The following NRG1 variants were observed in gnomAD, a reference collection of about 807,000 sequenced individuals.
The protein encoded by NRG1 is neuregulin 1, also known as pro-neuregulin-1, membrane-bound isoform.
NRG1 carries 18 observed loss-of-function variants against 63.8 expected under a neutral mutation model. The ratio of observed to expected loss-of-function variants is 0.28; its 90% confidence interval spans 0.19 to 0.42. The LOEUF (loss-of-function observed/expected upper bound fraction) is 0.42. Among genes scored for constraint, NRG1 ranks in the 10% least tolerant of loss-of-function variants. The pLI is 1.00. For missense variants in NRG1, 762 were observed against 814.7 expected (o/e 0.94, Z 0.79); for synonymous variants, 302 against 301.3 (o/e 1.00, Z -0.02).
intron 1 of NRG1, among the ~76,000 whole-genome samples, chr8:32,176,798 G>C (rs1840787833): frequency 6.6e-6 from 1 of 152,142 alleles, no homozygotes; most frequent in African/African-American, 2.4e-5. Flanking sequence ...ACACCAGTTA[G>C]AATGGCAATC....
chr8:32,070,803 A>G (rs1007150129), intron 1 of NRG1, among the ~76,000 whole-genome samples: 1 of 152,228 alleles, frequency 6.6e-6, no homozygotes, highest in Non-Finnish European at 1.5e-5. Flanking sequence ...TTGCTTATAA[A>G]GGACCAGTGG....
intron 1 of NRG1, among the ~76,000 whole-genome samples, chr8:32,482,742 G>A (rs1825458102): frequency 6.6e-6 from 1 of 152,120 alleles, no homozygotes; most frequent in South Asian, 2.1e-4. Flanking sequence ...TGGACTCAAG[G>A]TCCCCAGACT....
chr8:32,044,930 A>AAAAAAC (rs1554610208), intron 1 of NRG1, among the ~76,000 whole-genome samples: 13 of 137,116 alleles, frequency 9.5e-5, no homozygotes, highest in African/African-American at 2.8e-4. Context: ...AAAAAAAAAA[A>AAAAAAC]ACACACACAC....
Position 32,168,153 on chromosome 8 carries a change from G to A in NRG1, c.38-427675G>A, listed in dbSNP as rs57169459. 1.1e-3 allele frequency among the ~76,000 whole-genome samples: 170 copies of A among 152,134 alleles called. 1 individual carries two copies. The highest frequency in any genetic ancestry group is 3.9e-3 in the African/African-American group (161 of 41,486). On this transcript the variant is annotated intron_variant, in intron 1 of 10. Coordinates refer to the NRG1 transcript ENST00000519301. Reference sequence around the variant, plus strand: ...GAGCAATCACAGCCAGTGATGGGCCGGCATCATGGAGAGTAAAGACAAATG... The same window carrying A: ...GAGCAATCACAGCCAGTGATGGGCCAGCATCATGGAGAGTAAAGACAAATG...
At chr8:32,527,989 A>G (rs756237855) in intron 1 of NRG1, among the ~76,000 whole-genome samples, 1 of 152,272 alleles carries the variant, frequency 6.6e-6, no homozygotes, top group South Asian at 2.1e-4. Context: ...CTTGACTGGT[A>G]CATGTGCCGT....
rs533443905 is a variant in NRG1 at position 32,400,175 on chromosome 8, C to T, written c.38-195653C>T. The stretch of plus-strand genomic sequence containing the variant: ...AACCCGAGCCTAAAATCTGTAGTAT[C>T]GCTTCAAATATCTATGTAGAAAGCA... On this transcript the variant is annotated intron_variant, in intron 1 of 10. Transcript: ENST00000519301. 6.6e-5 allele frequency among the ~76,000 whole-genome samples: 10 copies of T among 152,294 alleles called. No individual in the cohort carries two copies. In the East Asian group the frequency reaches 9.7e-4, roughly 15 times the overall value.
chr8:32,566,970 G>A (rs1837565745), intron 1 of NRG1, among the ~76,000 whole-genome samples: 1 of 152,168 alleles, frequency 6.6e-6, no homozygotes, highest in Admixed American at 6.5e-5. Flanking sequence ...AGCCTCCTGA[G>A]TAGCTGGGAT....
intron 1 of NRG1, among the ~76,000 whole-genome samples, chr8:32,481,387 A>G (rs1825266554): frequency 6.6e-6 from 1 of 152,194 alleles, no homozygotes; most frequent in Non-Finnish European, 1.5e-5. Context: ...GTGTTAGAAC[A>G]AAAAAGAAAA....
intron 1 of NRG1, among the ~76,000 whole-genome samples, chr8:31,955,923 C>T (rs116944254): frequency 0.051 from 7,692 of 151,516 alleles, 316 homozygotes; most frequent in Admixed American, 0.14. Context: ...TGCCTGTAGT[C>T]CCAGCTACCA....
intron 5 of NRG1, among the ~76,000 whole-genome samples, chr8:32,689,512 G>C (rs1467799008): frequency 6.6e-6 from 1 of 152,050 alleles, no homozygotes; most frequent in East Asian, 1.9e-4. Flanking sequence ...TATTCTTGTG[G>C]AGAGCTGAGA....
intron 1 of NRG1, among the ~76,000 whole-genome samples, chr8:32,409,805 T>C (rs1255423956): frequency 6.6e-6 from 1 of 152,230 alleles, no homozygotes; most frequent in African/African-American, 2.4e-5. Flanking sequence ...ATTGACTCTC[T>C]TCACAGGAAA....
chr8:32,548,779 G>C (rs1234290009), exon 1 of NRG1: 6 of 1,589,942 alleles, frequency 3.8e-6, no homozygotes, highest in Non-Finnish European at 5.1e-6. Flanking sequence ...AAGAAGGAGC[G>C]AGGCTCCGGC....
At chr8:31,828,569 G>A (rs758596283) in intron 1 of NRG1, among the ~76,000 whole-genome samples, 5 of 152,090 alleles carry the variant, frequency 3.3e-5, no homozygotes, top group Non-Finnish European at 5.9e-5. Flanking sequence ...CACCACCCGC[G>A]CTCTGTCCAA....
intron 1 of NRG1, among the ~76,000 whole-genome samples, chr8:32,358,682 T>C (rs1047334505): frequency 6.6e-6 from 1 of 152,094 alleles, no homozygotes; most frequent in Non-Finnish European, 1.5e-5. Flanking sequence ...AAGATAGTAA[T>C]AGCTGCAGAG....
At chr8:32,380,786 A>G (rs1257152721) in intron 1 of NRG1, among the ~76,000 whole-genome samples, 1 of 152,226 alleles carries the variant, frequency 6.6e-6, no homozygotes, top group African/African-American at 2.4e-5. Context: ...TTGTTAATGC[A>G]TAATAAATGT....
intron 1 of NRG1, among the ~76,000 whole-genome samples, chr8:32,001,014 T>C (rs533854959): frequency 1.7e-3 from 254 of 152,144 alleles, no homozygotes; most frequent in African/African-American, 5.6e-3. Context: ...TTAAAAACAA[T>C]TTCAGATATA....
chr8:32,589,715 T>G (rs1842190702), intron 1 of NRG1, among the ~76,000 whole-genome samples: 1 of 152,194 alleles, frequency 6.6e-6, no homozygotes. Flanking sequence ...TAAAATTTGT[T>G]TCCTGTTCTT....
chr8:32,464,755 A>G (rs1242409198), intron 1 of NRG1, among the ~76,000 whole-genome samples: 1 of 152,086 alleles, frequency 6.6e-6, no homozygotes, highest in African/African-American at 2.4e-5. Flanking sequence ...CAGCTATAAA[A>G]TTCTAGAAAC....
In NRG1 at chr8:32,735,617, T is replaced by A. The variant is rs1032154582; in HGVS notation, c.633-7058T>A. Among the ~76,000 whole-genome samples the A allele has an allele frequency of 2.0e-5, 3 of 152,182 alleles. No individual in the cohort carries two copies. The East Asian group carries it at 5.8e-4, about 29-fold the overall frequency. ...CCAAACCACAAATTAGCAGTCGATA[T>A]GTCATTGTGTCACAATGACGTGGAG... On this transcript the variant is annotated intron_variant, in intron 6 of 11. Coordinates refer to ENST00000356819, the Ensembl canonical transcript of NRG1.
Sources: gnomAD v4.1 joint callset for allele counts (sites outside exome capture counted in the v4.1 genomes callset) on GRCh38, gnomAD v4.1.1 for gene constraint, MANE v1.5 for transcripts, NCBI Gene and HGNC (gene_info 2026-07-23, HGNC 2026-07-21) for gene names.